Variants in SLC8A2 observed in about 807,000 individuals in gnomAD.
The protein encoded by SLC8A2 is sodium/calcium exchanger 2.
In SLC8A2, 14 loss-of-function variants were observed where a neutral mutation model predicts 70.2. That is an observed-to-expected ratio of 0.20 (90% CI 0.13 to 0.31). The LOEUF is 0.31. Ranked by LOEUF, SLC8A2 falls within the 10% of genes least tolerant of loss-of-function variation. The probability of loss-of-function intolerance (pLI) is 1.00; values close to 1 mark genes in which losing one functional copy is unlikely to be tolerated. For synonymous variants in SLC8A2, 575 were observed against 594.3 expected, an observed-to-expected ratio of 0.97 and a Z score of 0.47; for missense variants, 779 against 1,320.1, an observed-to-expected ratio of 0.59 and a Z score of 6.35.
chr19:47,450,893 G>C lies in SLC8A2; in HGVS notation c.1341-2662C>G, dbSNP rs189798945. ...AAGCACCCAGAGGCACAGTTAGCTA[G>C]TGATATCCACATATTAATATCATAA... On this transcript the variant is annotated intron_variant, in intron 3 of 9. Coordinates refer to ENST00000236877, the MANE Select transcript of SLC8A2 (RefSeq NM_015063.3). Among the ~76,000 whole-genome samples, 10 of 152,016 alleles carry C rather than the reference G, an allele frequency of 6.6e-5. No homozygotes were observed. The East Asian group carries it at 1.9e-3, about 29-fold the overall frequency.
intron 2 of SLC8A2, among the ~76,000 whole-genome samples, chr19:47,461,711 T>G (rs1344155686): frequency 6.6e-6 from 1 of 152,238 alleles, no homozygotes; most frequent in Non-Finnish European, 1.5e-5. Context: ...AAATGAACTC[T>G]CTCCCTTGTA....
chr19:47,450,240 G>C (rs1485366293), intron 3 of SLC8A2, among the ~76,000 whole-genome samples: 1 of 152,204 alleles, frequency 6.6e-6, no homozygotes, highest in South Asian at 2.1e-4. Flanking sequence ...AGGGGTTCTG[G>C]GGCCGGGCGC....
rs778711689 is a variant in SLC8A2, at chr19:47,457,110, T to G, written c.1160A>C (p.Glu387Ala). Reference sequence around the variant, plus strand: ...GCGGCTGGCGCCGTCGTCTTCGTCCTCGCCCGCGCCCTCGGCCGGCGCCGC... The same window carrying G: ...GCGGCTGGCGCCGTCGTCTTCGTCCGCGCCCGCGCCCTCGGCCGGCGCCGC... ...RRAAPAEGAG[E>A]DEDDGASRIF... Residue 387 changes from glutamate (E) to alanine (A), a missense_variant, in exon 3 of 10, where the codon GAG becomes GCG. Coordinates refer to ENST00000236877, the MANE Select transcript of SLC8A2 (RefSeq NM_015063.3). 2.6e-6 allele frequency: 4 copies of G among 1,553,792 alleles called. No homozygotes were observed. In the East Asian group the frequency reaches 9.7e-5, roughly 38 times the overall value.
chr19:47,430,035 C>A lies in SLC8A2; in HGVS notation c.*54G>T, dbSNP rs183164387. The stretch of plus-strand genomic sequence containing the variant: ...GGAGACCAGGGTCCAAGAGCAGGTG[C>A]AGCCGAGTCCCTAGCCCCGGGCGGG... On this transcript the variant is annotated 3_prime_UTR_variant, in exon 10 of 10. Transcript: ENST00000236877. The surrounding 1 kb of genome is among the most constrained non-coding windows in gnomAD (Gnocchi z 5.9). The A allele has an allele frequency of 1.6e-3, 2,466 of 1,516,770 alleles. 25 individuals are homozygous for A. Among genetic ancestry groups the A allele is most frequent in the Admixed American group, 0.015 (690 of 45,988 alleles). The allele number at this position is 1,516,770 out of a possible 1,614,324, so 94.0% of individuals were successfully genotyped here.
chr19:47,461,380 G>A (rs773930086), intron 2 of SLC8A2, among the ~76,000 whole-genome samples: 3 of 151,800 alleles, frequency 2.0e-5, no homozygotes, highest in Non-Finnish European at 4.4e-5. Flanking sequence ...GTGGTGGCGT[G>A]CGCCTGTAAT....
rs749734622 is a variant in SLC8A2, at chr19:47,430,484, C to G, written c.2390-19G>C. 6.3e-7 allele frequency: 1 copy of G among 1,581,964 alleles called. No homozygotes were observed. The highest frequency in any genetic ancestry group is 2.3e-5 in the East Asian group (1 of 44,198). On this transcript the variant is annotated intron_variant, in intron 9 of 9. Transcript: ENST00000236877. This position sits in a 1 kb window ranked among gnomAD's most constrained non-coding sequence, Gnocchi z 5.9. ...AACGTGTCTGCGAGGCAGAGACATA[C>G]AGGTCGGAGGGGCTTTGCGCCGCCA...
rs776570248 is a variant in SLC8A2, at chr19:47,447,981, G to T, written c.1591C>A (p.Leu531Met). 6.4e-7 allele frequency: 1 copy of T among 1,561,144 alleles called. No homozygotes were observed. Residue 531 changes from leucine to methionine, a missense_variant, in exon 4 of 10, where the codon CTG (leucine) becomes ATG (methionine). By Grantham distance (15) the Leu-to-Met change is conservative (BLOSUM62 2). Coordinates refer to ENST00000236877, the MANE Select transcript of SLC8A2 (RefSeq NM_015063.3). This position sits in a 1 kb window ranked among gnomAD's most constrained non-coding sequence, Gnocchi z 5.1. ...HAGIFSFQDR[L>M]LHVSECMGTV... ...CCCATGCACTCGCTCACGTGCAGCA[G>T]GCGGTCCTGGAAGGAGAAGATGCCT...
At chr19:47,463,963 T>C (rs1247728542) in intron 2 of SLC8A2, among the ~76,000 whole-genome samples, 3 of 152,180 alleles carry the variant, frequency 2.0e-5, no homozygotes, top group South Asian at 2.1e-4. Context: ...AGTGAGGGAA[T>C]GGCAGAGGTG....
chr19:47,438,568 T>C (rs1967060509), intron 6 of SLC8A2, among the ~76,000 whole-genome samples: 1 of 151,878 alleles, frequency 6.6e-6, no homozygotes, highest in Non-Finnish European at 1.5e-5. Flanking sequence ...CTGAGCTCGC[T>C]TCTCTCCCCA....
chr19:47,434,920 T>G (rs1021288818), intron 8 of SLC8A2, among the ~76,000 whole-genome samples: 1 of 152,028 alleles, frequency 6.6e-6, no homozygotes, highest in Non-Finnish European at 1.5e-5. Flanking sequence ...CAAGACACGA[T>G]AGGGTCAGCT....
Position 47,457,593 on chromosome 19 carries a change from A to C in SLC8A2, c.677T>G (p.Val226Gly). 2 of 1,532,790 alleles carry C rather than the reference A, an allele frequency of 1.3e-6. No individual in the cohort carries two copies. Among genetic ancestry groups the C allele is most frequent in the Non-Finnish European group, 1.8e-6 (2 of 1,140,420 alleles). The allele number at this position is 1,532,790 out of a possible 1,614,324, so 94.9% of individuals were successfully genotyped here. The change falls in exon 3 of 10, where the codon GTG becomes GGG. Residue 226 changes from valine (V) to glycine (G), a missense_variant and splice_region_variant. By Grantham distance (109) the Val-to-Gly change is moderately radical. Around this residue, in one of 6 missense-constraint regions of SLC8A2, gnomAD observed 155 missense variants for 318.6 expected, o/e 0.49. Coordinates refer to ENST00000236877, the MANE Select transcript of SLC8A2 (RefSeq NM_015063.3). ...LAVFSPGVVQ[V>G]WEALLTLVFF... ...GACCAGGGTCAGCAGCGCCTCCCACACCTGCGGGCGGCGGGCGTCAGGGCG... is the reference window on the plus strand; with the variant it reads ...GACCAGGGTCAGCAGCGCCTCCCACCCCTGCGGGCGGCGGGCGTCAGGGCG...
At chr19:47,441,210 G>C in intron 5 of SLC8A2, 24 bp from the exon 6 acceptor site, 1 of 1,611,966 alleles carries the variant, frequency 6.2e-7, no homozygotes, top group African/African-American at 1.3e-5. Flanking sequence ...GAGACAGGCA[G>C]ACAGTGAGAT....
At chr19:47,433,372 G>A (rs185987650) in intron 8 of SLC8A2, among the ~76,000 whole-genome samples, 4 of 152,058 alleles carry the variant, frequency 2.6e-5, no homozygotes, top group Admixed American at 1.3e-4. Context: ...AACAGCTATG[G>A]CCTCAGATAA....
Position 47,432,040 on chromosome 19 carries a change from C to G in SLC8A2, c.2389+127G>C, listed in dbSNP as rs765335389. ...CCTGGCTTCTATTATGCCCCACCTC[C>G]GTATTTCTCTGAGACCCACCACATG... On this transcript the variant is annotated intron_variant, in intron 9 of 9. Coordinates refer to ENST00000236877, the MANE Select transcript of SLC8A2 (RefSeq NM_015063.3). This position sits in a 1 kb window ranked among gnomAD's most constrained non-coding sequence, Gnocchi z 6.2. The G allele has an allele frequency of 2.2e-5, 19 of 875,410 alleles. No individual in the cohort carries two copies. Among genetic ancestry groups the G allele is most frequent in the Non-Finnish European group, 3.1e-5 (18 of 588,846 alleles). The allele number at this position is 875,410 out of a possible 1,614,324, so 54.2% of individuals were successfully genotyped here.
chr19:47,447,027 A>G lies in SLC8A2; in HGVS notation c.1763+782T>C, dbSNP rs1448529757. On this transcript the variant is annotated intron_variant, in intron 4 of 9. Transcript: ENST00000236877. This position sits in a 1 kb window ranked among gnomAD's most constrained non-coding sequence, Gnocchi z 5.1. ...CCCTGCCCTGCCTTCCCAGGCCCCC[A>G]GATTCCAGCACCATCTTTTCCCAAA... is the stretch of plus-strand genomic sequence containing the variant. 2.0e-5 allele frequency among the ~76,000 whole-genome samples: 3 copies of G among 147,680 alleles called. No individual in the cohort carries two copies. The highest frequency in any genetic ancestry group is 1.3e-4 in the Admixed American group (2 of 14,822).
At chr19:47,459,725 G>A (rs1047158218) in intron 2 of SLC8A2, among the ~76,000 whole-genome samples, 20 of 146,552 alleles carry the variant, frequency 1.4e-4, no homozygotes, top group African/African-American at 2.8e-4. Context: ...ATGTGTGTAC[G>A]TCTGTGTGTG....
intron 2 of SLC8A2, among the ~76,000 whole-genome samples, chr19:47,463,138 CTT>C (rs956397072): frequency 1.4e-5 from 2 of 144,068 alleles, no homozygotes; most frequent in Non-Finnish European, 1.5e-5. Context: ...GAAACCTTTT[CTT>C]TTTTTTTTTT....
At chr19:47,451,394 G>A (rs188577973) in intron 3 of SLC8A2, among the ~76,000 whole-genome samples, 10 of 152,002 alleles carry the variant, frequency 6.6e-5, no homozygotes, top group Admixed American at 2.0e-4. Flanking sequence ...CTGCAGCCTC[G>A]ACTTCCTGGG....
In SLC8A2 at chr19:47,432,096, G is replaced by T; in HGVS notation, c.2389+71C>A. ...TGTGTGACTCCACCCACCTCATTTT[G>T]GCAGGATCCTGTGTTGCCCCTGCCT... On this transcript the variant is annotated intron_variant, in intron 9 of 9. Coordinates refer to ENST00000236877, the MANE Select transcript of SLC8A2 (RefSeq NM_015063.3). This position sits in a 1 kb window ranked among gnomAD's most constrained non-coding sequence, Gnocchi z 6.2. 7.0e-7 allele frequency: 1 copy of T among 1,430,868 alleles called. No individual in the cohort carries two copies. Among genetic ancestry groups the T allele is most frequent in the South Asian group, 1.4e-5 (1 of 73,798 alleles). The allele number at this position is 1,430,868 out of a possible 1,614,324, so 88.6% of individuals were successfully genotyped here. A position where few individuals can be genotyped will look rare whatever the true frequency, so the allele number is the denominator to read the frequency against.
Sources: gnomAD v4.1 joint callset for allele counts (sites outside exome capture counted in the v4.1 genomes callset) on GRCh38, gnomAD v4.1.1 for gene constraint, gnomAD v4.1.1 regional missense constraint, Gnocchi (gnomAD v3.1) non-coding constraint, MANE v1.5 for transcripts, NCBI Gene and HGNC (gene_info 2026-07-23, HGNC 2026-07-21) for gene names.